INVS: variants seen among roughly 807,000 people sequenced by gnomAD.
INVS encodes inversion of embryo turning homolog.
In INVS, 86 loss-of-function variants were observed where a neutral mutation model predicts 108.8. The ratio of observed to expected loss-of-function variants is 0.79; its 90% CI spans 0.66 to 0.95. The LOEUF (loss-of-function observed/expected upper bound fraction) is 0.95. INVS is among the 40% of genes least tolerant of loss of function. The pLI is 0.00. For synonymous variants in INVS, 455 were observed against 473.5 expected, an observed-to-expected ratio of 0.96 and a Z score of 0.51; for missense variants, 1,169 against 1,297.4, an observed-to-expected ratio of 0.90 and a Z score of 1.52.
intron 2 of INVS, among the ~76,000 whole-genome samples, chr9:100,108,759 G>A (rs1337514200): frequency 6.6e-6 from 1 of 152,190 alleles, no homozygotes; most frequent in Non-Finnish European, 1.5e-5. Context: ...AAACAGATGA[G>A]TGTCTCTTTC....
At chr9:100,123,137 TA>T (rs1827779630) in intron 2 of INVS, among the ~76,000 whole-genome samples, 1 of 152,206 alleles carries the variant, frequency 6.6e-6, no homozygotes, top group South Asian at 2.1e-4. Context: ...ATTCAAAATT[TA>T]AAGTATACAA....
intron 3 of INVS, among the ~76,000 whole-genome samples, chr9:100,157,267 C>CTTTTTTCTTT (rs1554718236): frequency 7.7e-6 from 1 of 130,098 alleles, no homozygotes; most frequent in African/African-American, 3.3e-5. Flanking sequence ...TCTTTTTTTT[C>CTTTTTTCTTT]TTTTTTTTTT....
At chr9:100,107,811 A>G (rs1228336942) in intron 2 of INVS, among the ~76,000 whole-genome samples, 2 of 152,218 alleles carry the variant, frequency 1.3e-5, no homozygotes, top group Non-Finnish European at 2.9e-5. Context: ...AGTGGCCTTC[A>G]TGAAAGTAGT....
intron 2 of INVS, among the ~76,000 whole-genome samples, chr9:100,119,069 T>G (rs1827643858): frequency 6.6e-6 from 1 of 152,254 alleles, no homozygotes; most frequent in African/African-American, 2.4e-5. Flanking sequence ...TCAAATCTGT[T>G]CTATTGGTCT....
At chr9:100,100,617 T>A (rs538635515) in intron 1 of INVS, among the ~76,000 whole-genome samples, 19 of 90,522 alleles carry the variant, frequency 2.1e-4, no homozygotes, top group African/African-American at 7.6e-4. Context: ...ATATATAATA[T>A]ATGTATATAT....
rs1415134183 is a variant in INVS at position 100,116,656 on chromosome 9, A to G, written c.107-9727A>G. On this transcript the variant is annotated intron_variant, in intron 2 of 16. Coordinates refer to ENST00000262457, the MANE Select transcript of INVS (RefSeq NM_014425.5). ...CTAACACAAAATCAGGAAGATTTTC[A>G]CCTTCAATTGCTTCTAAAAGTTTTA... is the stretch of plus-strand genomic sequence containing the variant. The G allele has an allele frequency of 4.0e-5, 14 of 353,736 alleles. No homozygotes were observed. In the East Asian group the frequency reaches 5.0e-4, roughly 13 times the overall value. The allele number at this position is 353,736 out of a possible 1,614,324, so 21.9% of individuals were successfully genotyped here.
intron 1 of INVS, among the ~76,000 whole-genome samples, chr9:100,101,019 T>C (rs1193377348): frequency 1.0e-5 from 1 of 99,026 alleles, no homozygotes; most frequent in African/African-American, 4.0e-5. Flanking sequence ...ATTATATGTA[T>C]ATATATTATA....
intron 7 of INVS, among the ~76,000 whole-genome samples, chr9:100,246,232 CAGAA>C (rs773731672): frequency 1.8e-4 from 28 of 151,590 alleles, no homozygotes; most frequent in Admixed American, 1.3e-4. Flanking sequence ...GAGAACAAGG[CAGAA>C]AGAAAGATTT....
chr9:100,229,548 G>A, intron 4 of INVS, 112 bp from the exon 5 acceptor site: 2 of 882,030 alleles, frequency 2.3e-6, no homozygotes, highest in Non-Finnish European at 3.7e-6. Context: ...TGAAAACAAA[G>A]ATACAGGGCA....
At chr9:100,253,175 A>T (rs764925423) in intron 10 of INVS, 39 bp downstream of exon 10, 1 of 1,472,576 alleles carries the variant, frequency 6.8e-7, no homozygotes, top group Non-Finnish European at 9.5e-7. Context: ...TGCTCCAAAG[A>T]ATTTAGAGTA....
intron 3 of INVS, among the ~76,000 whole-genome samples, chr9:100,219,057 A>T (rs1250071311): frequency 3.3e-5 from 5 of 152,264 alleles, no homozygotes; most frequent in Non-Finnish European, 7.3e-5. Context: ...AAACAATATT[A>T]TTCAGATTAC....
At chr9:100,158,698 A>C (rs1422158114) in intron 3 of INVS, among the ~76,000 whole-genome samples, 1 of 152,152 alleles carries the variant, frequency 6.6e-6, no homozygotes, top group Non-Finnish European at 1.5e-5. Flanking sequence ...GTTAACTCTG[A>C]TGGAGTAGAT....
intron 3 of INVS, among the ~76,000 whole-genome samples, chr9:100,138,965 C>T (rs1288393087): frequency 1.3e-5 from 2 of 152,156 alleles, no homozygotes; most frequent in Non-Finnish European, 2.9e-5. Flanking sequence ...CTCAGCCTCC[C>T]AAAGTGCTGG....
chr9:100,229,087 A>G (rs992522297), intron 4 of INVS, among the ~76,000 whole-genome samples: 9 of 152,204 alleles, frequency 5.9e-5, no homozygotes, highest in Non-Finnish European at 1.3e-4. Context: ...AGTTTCACAG[A>G]TAGATTTGTT....
chr9:100,297,007 A>ATT lies in INVS; in HGVS notation c.2878_2879dup (p.Leu960PhefsTer13). 1 of 1,613,996 alleles carries ATT rather than the reference A, an allele frequency of 6.2e-7. No individual in the cohort carries two copies. The highest frequency in any genetic ancestry group is 8.5e-7 in the Non-Finnish European group (1 of 1,179,988). On this transcript the variant is annotated frameshift_variant, in exon 15 of 17. Transcript: ENST00000262457. LOFTEE classifies it high-confidence loss of function. ...ACAGATGGAGGCAAGAGTCTACAGCATTGCTCCTCCAGGTTTGGAGGAAGG... is the reference window on the plus strand; with the variant it reads ...ACAGATGGAGGCAAGAGTCTACAGCATTTTGCTCCTCCAGGTTTGGAGGAAGG...
At chr9:100,212,707 G>T (rs979779187) in intron 3 of INVS, among the ~76,000 whole-genome samples, 1 of 151,832 alleles carries the variant, frequency 6.6e-6, no homozygotes, top group African/African-American at 2.4e-5. Context: ...TTTCCATTTA[G>T]CTCTCAACAT....
chr9:100,147,387 AT>A (rs1362515502), intron 3 of INVS, among the ~76,000 whole-genome samples: 1 of 152,254 alleles, frequency 6.6e-6, no homozygotes, highest in Non-Finnish European at 1.5e-5. Context: ...ATTAAAAGAA[AT>A]TCAAATGACC....
intron 3 of INVS, among the ~76,000 whole-genome samples, chr9:100,146,283 A>G (rs1024020048): frequency 1.4e-5 from 2 of 143,524 alleles, no homozygotes; most frequent in African/African-American, 5.9e-5. Flanking sequence ...TTACAGTCAA[A>G]GGGGGGTTGT....
At chr9:100,163,353 T>TA (rs2119018357) in intron 3 of INVS, among the ~76,000 whole-genome samples, 1 of 152,260 alleles carries the variant, frequency 6.6e-6, no homozygotes, top group South Asian at 2.1e-4. Context: ...AGCAATCATC[T>TA]AGTCTCTGAA....
Sources: allele counts gnomAD v4.1 joint callset (sites outside exome capture counted in the v4.1 genomes callset), GRCh38; gene constraint gnomAD v4.1.1; transcripts MANE v1.5; gene names NCBI Gene and HGNC (gene_info 2026-07-23, HGNC 2026-07-21).